The following SPATA13 variants were observed in gnomAD, a reference collection of about 807,000 sequenced individuals.
SPATA13 encodes spermatogenesis associated 13, also known as spermatogenesis-associated protein 13.
A neutral mutation model predicts 104.0 loss-of-function variants in SPATA13; 50 were observed. That is an observed-to-expected ratio of 0.48 (90% CI 0.38 to 0.61). The LOEUF (loss-of-function observed/expected upper bound fraction) is 0.61. Ranked by LOEUF, SPATA13 falls within the 20% of genes least tolerant of loss-of-function variation. The pLI is 0.00. For synonymous variants in SPATA13, 606 were observed against 667.5 expected, an observed-to-expected ratio of 0.91 and a Z score of 1.42; for missense variants, 1,524 against 1,690.6, an observed-to-expected ratio of 0.90 and a Z score of 1.73.
In SPATA13 at chr13:24,021,292, G is replaced by T. The variant is rs138665183; in HGVS notation, c.-112+3591G>T. 2.8e-3 allele frequency among the ~76,000 whole-genome samples: 427 copies of T among 152,332 alleles called. 1 individual carries two copies. Among genetic ancestry groups the T allele is most frequent in the African/African-American group, 0.01 (416 of 41,572 alleles). On this transcript the variant is annotated intron_variant, in intron 3 of 14. Transcript: ENST00000424834. ...AGAAAGTTTGGAGAATCCTGAAGAT[G>T]CCTGTTTGCTCAAAGCATAGCTTGC... is the stretch of plus-strand genomic sequence containing the variant.
intron 3 of SPATA13, among the ~76,000 whole-genome samples, chr13:24,127,753 A>T (rs984280058): frequency 2.0e-5 from 3 of 152,254 alleles, no homozygotes; most frequent in African/African-American, 7.2e-5. Context: ...AGCAAAAAAT[A>T]CTGACTTGTG....
rs7994865 is a variant in SPATA13, at chr13:24,149,733, G to A, written c.-111-73086G>A. ...GTGGGGAAGAACCCAGAGGGAGAGC[G>A]GCTTGTACAAAGGCCCTGCGGGGCG... On this transcript the variant is annotated intron_variant, in intron 3 of 14. Coordinates refer to the SPATA13 transcript ENST00000424834. Among the ~76,000 whole-genome samples, 530 of 152,330 alleles carry A rather than the reference G, an allele frequency of 3.5e-3. 5 individuals are homozygous for A. Among genetic ancestry groups the A allele is most frequent in the African/African-American group, 0.012 (489 of 41,564 alleles).
At chr13:24,148,669 G>A (rs1882008499) in intron 3 of SPATA13, among the ~76,000 whole-genome samples, 1 of 152,174 alleles carries the variant, frequency 6.6e-6, no homozygotes, top group Admixed American at 6.5e-5. Context: ...ATCTCTGCAA[G>A]GAACTGGCTC....
At chr13:24,217,363 C>T (rs529879941) in intron 1 of SPATA13, among the ~76,000 whole-genome samples, 26 of 152,296 alleles carry the variant, frequency 1.7e-4, no homozygotes, top group African/African-American at 5.5e-4. Flanking sequence ...TGCTGCTAGA[C>T]ATCCTACAAA....
intron 1 of SPATA13, among the ~76,000 whole-genome samples, chr13:24,186,958 G>C (rs79806102): frequency 1.3e-5 from 2 of 152,232 alleles, no homozygotes; most frequent in East Asian, 1.9e-4. Flanking sequence ...CCTCATTATG[G>C]GTCAGATGTG....
chr13:24,060,999 A>G (rs2137754127), intron 3 of SPATA13, among the ~76,000 whole-genome samples: 1 of 152,328 alleles, frequency 6.6e-6, no homozygotes, highest in South Asian at 2.1e-4. Context: ...AGAGCACACC[A>G]CTGCACTCCA....
In SPATA13 at chr13:24,203,397, GA is replaced by G. The variant is rs1230686676; in HGVS notation, c.-111-19421del. On this transcript the variant is annotated intron_variant, in intron 1 of 12. Coordinates refer to ENST00000382108, the MANE Select transcript of SPATA13 (RefSeq NM_001166271.3). ...TTTTAAGTAGCTTTTTCCTAAACTT[GA>G]TCTTCCTGTGTCTGAGCCCCTAAGA... is the stretch of plus-strand genomic sequence containing the variant. Among the ~76,000 whole-genome samples the G allele has an allele frequency of 2.0e-5, 3 of 152,140 alleles. No homozygotes were observed. In the East Asian group the frequency reaches 5.8e-4, roughly 29 times the overall value.
chr13:24,075,343 G>A (rs184211186), intron 3 of SPATA13, among the ~76,000 whole-genome samples: 2 of 152,222 alleles, frequency 1.3e-5, no homozygotes, highest in Admixed American at 1.3e-4. Flanking sequence ...TTGGCAAATA[G>A]TAGTCACTCA....
intron 3 of SPATA13, among the ~76,000 whole-genome samples, chr13:24,045,115 A>C (rs916393824): frequency 1.7e-5 from 2 of 116,730 alleles, no homozygotes; most frequent in Non-Finnish European, 3.6e-5. Flanking sequence ...CCCTATGTAT[A>C]ATTTATATCA....
In SPATA13 at chr13:24,051,992, A is replaced by C. The variant is rs1436653755; in HGVS notation, c.-112+34291A>C. 6.6e-6 allele frequency among the ~76,000 whole-genome samples: 1 copy of C among 152,110 alleles called. No individual in the cohort carries two copies. The highest frequency in any genetic ancestry group is 2.4e-5 in the African/African-American group (1 of 41,418). On this transcript the variant is annotated intron_variant, in intron 3 of 14. Transcript: ENST00000424834. The surrounding 1 kb of genome is among the most constrained non-coding windows in gnomAD (Gnocchi z 4.2). ...TCCCACCTCATCTGTGCACCTTGCC[A>C]GTCCTTTGGCTTCCTCTGCGTGCAC...
chr13:24,256,098 TA>T (rs1873775451), intron 4 of SPATA13, among the ~76,000 whole-genome samples: 1 of 152,222 alleles, frequency 6.6e-6, no homozygotes, highest in Non-Finnish European at 1.5e-5. Flanking sequence ...AAAAGACTGA[TA>T]ATCGTGGGTT....
At chr13:24,170,354 C>T (rs1468430152) in intron 1 of SPATA13, among the ~76,000 whole-genome samples, 5 of 152,194 alleles carry the variant, frequency 3.3e-5, no homozygotes, top group Non-Finnish European at 7.3e-5. Context: ...CTGGAATCGT[C>T]CAAATGGATG....
chr13:24,153,069 A>G (rs1317738965), intron 3 of SPATA13, among the ~76,000 whole-genome samples: 1 of 152,144 alleles, frequency 6.6e-6, no homozygotes, highest in African/African-American at 2.4e-5. Flanking sequence ...GCTCATGTCT[A>G]CTTAGGACCT....
chr13:24,091,256 C>T (rs1879901620), intron 3 of SPATA13, among the ~76,000 whole-genome samples: 1 of 152,230 alleles, frequency 6.6e-6, no homozygotes, highest in South Asian at 2.1e-4. Context: ...GGCATACACA[C>T]AGCCGTGCAC....
rs1048629164 is a variant in SPATA13, at chr13:24,059,161, C to T, written c.-112+41460C>T. ...TAATTTTTTGTATTTTTAGTAGAGACGGGGTTTCACCGTGTTAGCCAGGAT... is the reference window on the plus strand; with the variant it reads ...TAATTTTTTGTATTTTTAGTAGAGATGGGGTTTCACCGTGTTAGCCAGGAT... On this transcript the variant is annotated intron_variant, in intron 3 of 14. Coordinates refer to the SPATA13 transcript ENST00000424834. Among the ~76,000 whole-genome samples, 6 of 151,466 alleles carry T rather than the reference C, an allele frequency of 4.0e-5. No individual in the cohort carries two copies. In the East Asian group the frequency reaches 7.7e-4, roughly 20 times the overall value.
chr13:24,107,489 T>C (rs909328682), intron 3 of SPATA13, among the ~76,000 whole-genome samples: 1 of 152,210 alleles, frequency 6.6e-6, no homozygotes, highest in African/African-American at 2.4e-5. Context: ...CGACTTCAGC[T>C]GTTTCTCTCA....
intron 2 of SPATA13, among the ~76,000 whole-genome samples, chr13:23,988,034 G>A (rs1204397721): frequency 1.3e-5 from 2 of 150,860 alleles, no homozygotes; most frequent in Admixed American, 6.6e-5. Context: ...ACCTGTGTCT[G>A]CTGAGTTCAG....
intron 4 of SPATA13, chr13:24,270,961 A>T (rs2138695410): frequency 7.2e-7 from 1 of 1,391,276 alleles, no homozygotes; most frequent in South Asian, 1.2e-5. Flanking sequence ...TTGCCGATTC[A>T]GCTCTTTCCT....
At chr13:24,148,832 G>A (rs1882012340) in intron 3 of SPATA13, among the ~76,000 whole-genome samples, 1 of 152,176 alleles carries the variant, frequency 6.6e-6, no homozygotes, top group East Asian at 1.9e-4. Flanking sequence ...AGGCAGGGAG[G>A]GGTAGAACAA....
Sources: allele counts gnomAD v4.1 joint callset (sites outside exome capture counted in the v4.1 genomes callset), GRCh38; gene constraint gnomAD v4.1.1; non-coding constraint Gnocchi (gnomAD v3.1); transcripts MANE v1.5; gene names NCBI Gene and HGNC (gene_info 2026-07-23, HGNC 2026-07-21).